RIT2: variants seen among roughly 807,000 people sequenced by gnomAD.
RIT2 encodes GTP-binding protein Rit2.
RIT2 carries 24 observed loss-of-function variants against 23.7 expected under a neutral mutation model. The observed-to-expected ratio is 1.01, with a 90% CI of 0.73 to 1.43. The LOEUF (loss-of-function observed/expected upper bound fraction) is 1.43, where lower values mean the gene tolerates loss of function less well. RIT2 is among the 40% of genes most tolerant of loss of function. The pLI is 0.00. For missense variants in RIT2, 236 were observed against 266.9 expected, an observed-to-expected ratio of 0.88 and a Z score of 0.81; for synonymous variants, 107 against 91.1, an observed-to-expected ratio of 1.17 and a Z score of -0.99.
chr18:43,069,255 G>C (rs1029506390), intron 1 of RIT2, among the ~76,000 whole-genome samples: 1 of 151,958 alleles, frequency 6.6e-6, no homozygotes, highest in Non-Finnish European at 1.5e-5. Flanking sequence ...TAGGGTGGCT[G>C]TGTTCCTCCT....
chr18:42,966,941 C>T lies in RIT2; in HGVS notation c.234+7133G>A, dbSNP rs181467619. Among the ~76,000 whole-genome samples the T allele has an allele frequency of 7.1e-3, 1,082 of 152,030 alleles. 8 individuals carry two copies. The highest frequency in any genetic ancestry group is 0.024 in the African/African-American group (1,015 of 41,488). Reference sequence around the variant, plus strand: ...GTTATGGCAAGCAGTATGGGCTAAACCTAATGTACTCACTAATGTGATCTT... The same window carrying T: ...GTTATGGCAAGCAGTATGGGCTAAATCTAATGTACTCACTAATGTGATCTT... On this transcript the variant is annotated intron_variant, in intron 3 of 4. Coordinates refer to ENST00000326695, the MANE Select transcript of RIT2 (RefSeq NM_002930.4).
intron 4 of RIT2, among the ~76,000 whole-genome samples, chr18:42,917,843 C>T (rs979107850): frequency 6.6e-5 from 10 of 152,064 alleles, no homozygotes; most frequent in Non-Finnish European, 1.2e-4. Flanking sequence ...CCCCACACTC[C>T]GGAGTTGTGC....
At chr18:42,874,872 G>A (rs1167905216) in intron 4 of RIT2, among the ~76,000 whole-genome samples, 2 of 152,092 alleles carry the variant, frequency 1.3e-5, no homozygotes, top group Non-Finnish European at 2.9e-5. Flanking sequence ...AAGGAGTCCA[G>A]ATAAGGTTCA....
chr18:42,992,608 T>C (rs1470011826), intron 2 of RIT2, among the ~76,000 whole-genome samples: 11 of 152,072 alleles, frequency 7.2e-5, no homozygotes, highest in Admixed American at 7.2e-4. Flanking sequence ...ATAATCCTTT[T>C]ATCACCTCCC....
chr18:42,806,807 T>G (rs1241278414), intron 4 of RIT2, among the ~76,000 whole-genome samples: 2 of 152,240 alleles, frequency 1.3e-5, no homozygotes, highest in Non-Finnish European at 2.9e-5. Flanking sequence ...GATTACTGCA[T>G]TTGCAAAGGC....
At chr18:43,026,266 G>T (rs1911714239) in intron 2 of RIT2, among the ~76,000 whole-genome samples, 1 of 151,864 alleles carries the variant, frequency 6.6e-6, no homozygotes, top group African/African-American at 2.4e-5. Context: ...TTAGAGATAA[G>T]AAAGGTTGGC....
chr18:42,756,123 T>C (rs1023458050), intron 4 of RIT2, among the ~76,000 whole-genome samples: 9 of 152,138 alleles, frequency 5.9e-5, no homozygotes, highest in African/African-American at 1.7e-4. Context: ...AAGAGCACAA[T>C]CAGAGGCAAT....
chr18:42,924,004 G>GA (rs143023943), intron 3 of RIT2, among the ~76,000 whole-genome samples: 5,932 of 151,796 alleles, frequency 0.039, 229 homozygotes, highest in African/African-American at 0.093. Flanking sequence ...CTCACTTTAA[G>GA]AAAATGAATC....
chr18:42,927,370 GT>G (rs1265520942), intron 3 of RIT2, among the ~76,000 whole-genome samples: 28 of 5,594 alleles, frequency 5.0e-3, no homozygotes, highest in African/African-American at 5.7e-3. Flanking sequence ...TGTGGATGTG[GT>G]GTGTGTGTGT....
At chr18:42,795,062 G>T (rs571856458) in intron 4 of RIT2, among the ~76,000 whole-genome samples, 7 of 152,194 alleles carry the variant, frequency 4.6e-5, no homozygotes, top group African/African-American at 1.7e-4. Flanking sequence ...GCTCCTGGTC[G>T]CACTGAGAGG....
At chr18:43,075,761 C>G (rs1912999132) in intron 1 of RIT2, among the ~76,000 whole-genome samples, 1 of 152,078 alleles carries the variant, frequency 6.6e-6, no homozygotes, top group African/African-American at 2.4e-5. Context: ...CATTCTGGCT[C>G]CCCCTCTTTT....
intron 4 of RIT2, among the ~76,000 whole-genome samples, chr18:42,801,073 T>G (rs888086753): frequency 6.6e-6 from 1 of 152,200 alleles, no homozygotes; most frequent in Non-Finnish European, 1.5e-5. Flanking sequence ...TCATGTGTCA[T>G]GATTTGTCAA....
At chr18:42,768,817 T>C (rs181168992) in intron 4 of RIT2, among the ~76,000 whole-genome samples, 1 of 152,278 alleles carries the variant, frequency 6.6e-6, no homozygotes, top group Admixed American at 6.5e-5. Flanking sequence ...CTTTCAATGA[T>C]AGATATTTAT....
intron 2 of RIT2, among the ~76,000 whole-genome samples, 161 bp downstream of exon 2, chr18:43,033,650 A>C (rs576638227): frequency 6.6e-6 from 1 of 152,274 alleles, no homozygotes; most frequent in East Asian, 1.9e-4. Flanking sequence ...CTGTCTCTTG[A>C]AGCTTCTGTT....
chr18:43,021,190 T>C (rs1286236837), intron 2 of RIT2, among the ~76,000 whole-genome samples: 1 of 152,052 alleles, frequency 6.6e-6, no homozygotes. Context: ...ATTAATTTTA[T>C]AAAATAATAA....
At chr18:42,934,759 T>A (rs1204731203) in intron 3 of RIT2, among the ~76,000 whole-genome samples, 1 of 152,208 alleles carries the variant, frequency 6.6e-6, no homozygotes, top group African/African-American at 2.4e-5. Context: ...CATATGATAA[T>A]TTTAAACAAT....
intron 4 of RIT2, among the ~76,000 whole-genome samples, chr18:42,863,377 T>C (rs1302972546): frequency 6.6e-6 from 1 of 152,154 alleles, no homozygotes; most frequent in Non-Finnish European, 1.5e-5. Context: ...AAAGGACCCT[T>C]AACCTTAATT....
chr18:42,764,859 A>C (rs1913384372), intron 4 of RIT2, among the ~76,000 whole-genome samples: 1 of 152,234 alleles, frequency 6.6e-6, no homozygotes, highest in Non-Finnish European at 1.5e-5. Context: ...AAGTTTGCTT[A>C]AAAAACTAAT....
At chr18:42,935,653 G>A (rs760428711) in intron 3 of RIT2, among the ~76,000 whole-genome samples, 22 of 152,070 alleles carry the variant, frequency 1.4e-4, no homozygotes, top group Non-Finnish European at 3.2e-4. Context: ...TTACCAGAAG[G>A]CAAGCCTAGG....
Sources: gnomAD v4.1 joint callset for allele counts (sites outside exome capture counted in the v4.1 genomes callset) on GRCh38, gnomAD v4.1.1 for gene constraint, MANE v1.5 for transcripts, NCBI Gene and HGNC (gene_info 2026-07-23, HGNC 2026-07-21) for gene names.